The following RFX2 variants were observed in gnomAD, a reference collection of about 807,000 sequenced individuals.
RFX2 encodes DNA-binding protein RFX2.
RFX2 carries 20 observed loss-of-function variants against 87.8 expected under a neutral mutation model. The ratio of observed to expected loss-of-function variants is 0.23; its 90% CI spans 0.16 to 0.33. RFX2 has a LOEUF of 0.33. Ranked by LOEUF, RFX2 falls within the 10% of genes least tolerant of loss-of-function variation. The pLI is 1.00. For synonymous variants in RFX2, 397 were observed against 431.3 expected, an observed-to-expected ratio of 0.92 and a Z score of 0.98; for missense variants, 767 against 1,012.3, an observed-to-expected ratio of 0.76 and a Z score of 3.29.
At chr19:6,095,688 T>C (rs1229442160) in intron 1 of RFX2, among the ~76,000 whole-genome samples, 1 of 151,952 alleles carries the variant, frequency 6.6e-6, no homozygotes, top group Non-Finnish European at 1.5e-5. Flanking sequence ...GGAAATAGGA[T>C]GGACCACTTG....
chr19:6,101,068 G>A lies in RFX2; in HGVS notation c.-9+9325C>T, dbSNP rs1373205764. 6.6e-6 allele frequency among the ~76,000 whole-genome samples: 1 copy of A among 152,094 alleles called. No individual in the cohort carries two copies. The highest frequency in any genetic ancestry group is 2.4e-5 in the African/African-American group (1 of 41,396). On this transcript the variant is annotated intron_variant, in intron 1 of 17. Transcript: ENST00000303657. The surrounding 1 kb of genome is among the most constrained non-coding windows in gnomAD (Gnocchi z 4.9). ...TCTAACAATTTTAAATTTGTCTAGT[G>A]CCTTCTCCCCTCTCAACTGTCCACA...
chr19:6,104,238 A>G (rs746427332), intron 1 of RFX2, among the ~76,000 whole-genome samples: 1 of 152,082 alleles, frequency 6.6e-6, no homozygotes, highest in Non-Finnish European at 1.5e-5. Context: ...AGATGGCAAT[A>G]TGAACTTAAG....
chr19:6,003,797 A>G (rs2086531650), intron 13 of RFX2, among the ~76,000 whole-genome samples: 1 of 150,980 alleles, frequency 6.6e-6, no homozygotes, highest in East Asian at 1.9e-4. Flanking sequence ...AAAAAAAAAA[A>G]AAAAAAAAAA....
At position 6,021,285 on chromosome 19, in the gene RFX2, C is replaced by T. The variant is rs1441017099; in HGVS notation, c.597+4878G>A. On this transcript the variant is annotated intron_variant, in intron 6 of 17. Transcript: ENST00000303657. The surrounding 1 kb of genome is among the most constrained non-coding windows in gnomAD (Gnocchi z 5.7). ...AATATTTACGAGAGCTGGCTCTATG[C>T]CAGGCCTTGTTTAGGTGCTGGGGAT... Among the ~76,000 whole-genome samples, 1 of 152,224 alleles carries T rather than the reference C, an allele frequency of 6.6e-6. No individual in the cohort carries two copies. The highest frequency in any genetic ancestry group is 1.5e-5 in the Non-Finnish European group (1 of 68,044).
At chr19:6,048,522 C>G (rs2087226829) in intron 1 of RFX2, among the ~76,000 whole-genome samples, 1 of 152,166 alleles carries the variant, frequency 6.6e-6, no homozygotes, top group African/African-American at 2.4e-5. Context: ...ACCAGTCCCC[C>G]GTCCTGGCAC....
intron 9 of RFX2, among the ~76,000 whole-genome samples, chr19:6,008,841 C>T (rs1420626581): frequency 6.6e-6 from 1 of 151,898 alleles, no homozygotes; most frequent in Non-Finnish European, 1.5e-5. Flanking sequence ...CCACGCCTGG[C>T]TAAGTTTGTA....
At chr19:6,079,434 C>T (rs533766210) in intron 1 of RFX2, among the ~76,000 whole-genome samples, 15 of 152,326 alleles carry the variant, frequency 9.8e-5, no homozygotes, top group East Asian at 7.7e-4. Context: ...GTCTCAAAAG[C>T]TGCACAATGT....
Position 6,074,155 on chromosome 19 carries a change from G to A in RFX2, c.-8-26651C>T, listed in dbSNP as rs562916184. Among the ~76,000 whole-genome samples, 5 of 152,300 alleles carry A rather than the reference G, an allele frequency of 3.3e-5. No homozygotes were observed. The highest frequency in any genetic ancestry group is 2.1e-4 in the South Asian group (1 of 4,828). ...AATGAAGGGCAGCTCTGCCCAAAGC[G>A]GCGGACCAGGTGGGCAAACAGAGAG... is the stretch of plus-strand genomic sequence containing the variant. On this transcript the variant is annotated intron_variant, in intron 1 of 17. Transcript: ENST00000303657. This position sits in a 1 kb window ranked among gnomAD's most constrained non-coding sequence, Gnocchi z 5.2.
At chr19:6,084,607 C>T (rs895637095) in intron 1 of RFX2, among the ~76,000 whole-genome samples, 1 of 151,658 alleles carries the variant, frequency 6.6e-6, no homozygotes, top group Non-Finnish European at 1.5e-5. Context: ...GGGGTGGAAT[C>T]ACACTGGATT....
rs1350250162 is a variant in RFX2 at position 6,023,618 on chromosome 19, A to G, written c.597+2545T>C. Among the ~76,000 whole-genome samples, 1 of 152,212 alleles carries G rather than the reference A, an allele frequency of 6.6e-6. No individual in the cohort carries two copies. The highest frequency in any genetic ancestry group is 1.5e-5 in the Non-Finnish European group (1 of 68,036). ...GAAGGAAACAACTCAACAGCGAATC[A>G]TCAGTGAGTAAAAGAAACGAGAGAT... On this transcript the variant is annotated intron_variant, in intron 6 of 17. Coordinates refer to ENST00000303657, the MANE Select transcript of RFX2 (RefSeq NM_000635.4). This position sits in a 1 kb window ranked among gnomAD's most constrained non-coding sequence, Gnocchi z 4.9.
At position 6,021,927 on chromosome 19, in the gene RFX2, C is replaced by A. The variant is rs2086816955; in HGVS notation, c.597+4236G>T. 6.6e-6 allele frequency among the ~76,000 whole-genome samples: 1 copy of A among 152,028 alleles called. No individual in the cohort carries two copies. The highest frequency in any genetic ancestry group is 2.1e-4 in the South Asian group (1 of 4,822). On this transcript the variant is annotated intron_variant, in intron 6 of 17. Coordinates refer to ENST00000303657, the MANE Select transcript of RFX2 (RefSeq NM_000635.4). This position sits in a 1 kb window ranked among gnomAD's most constrained non-coding sequence, Gnocchi z 5.7. ...AGGTGGCCGAAAGAATCCACAGGGA[C>A]AGTGGCGGCTCGGGAAGTAGTCGAA...
intron 9 of RFX2, among the ~76,000 whole-genome samples, chr19:6,009,099 C>A (rs2086627289): frequency 1.3e-5 from 2 of 152,180 alleles, no homozygotes. Context: ...CCCTGGCACA[C>A]AGCAAGTACC....
intron 1 of RFX2, chr19:6,067,825 T>G (rs1292981430): frequency 6.6e-6 from 1 of 152,184 alleles, no homozygotes; most frequent in Admixed American, 6.5e-5. Flanking sequence ...AAGCACACAA[T>G]GCTGATAGAT....
At position 6,010,247 on chromosome 19, in the gene RFX2, G is replaced by C; in HGVS notation, c.904C>G (p.Arg302Gly). The change falls in exon 9 of 18, where the codon CGG becomes GGG. Residue 302 changes from arginine (R) to glycine (G), a missense_variant. By Grantham distance (125) the Arg-to-Gly change is moderately radical. Around this residue, in one of 2 missense-constraint regions of RFX2, gnomAD observed 621 missense variants for 873.0 expected, o/e 0.71. Transcript: ENST00000303657. The surrounding 1 kb of genome is among the most constrained non-coding windows in gnomAD (Gnocchi z 5.0). The part of the protein sequence containing the change: ...QQPMHQKPRY[R>G]PAQKTDSLGD... ...AGGCTGTCCGTCTTCTGGGCTGGCC[G>C]GTACCTAGGCCAGGAACACGCATAC... 11 of 1,544,816 alleles carry C rather than the reference G, an allele frequency of 7.1e-6. No individual in the cohort carries two copies. The highest frequency in any genetic ancestry group is 9.6e-6 in the Non-Finnish European group (11 of 1,144,992).
At chr19:6,080,202 ATG>A (rs368062995) in intron 1 of RFX2, among the ~76,000 whole-genome samples, 10,072 of 137,942 alleles carry the variant, frequency 0.073, 829 homozygotes, top group African/African-American at 0.22. Flanking sequence ...TGCCTGGTTA[ATG>A]TGTGTGTGTG....
intron 6 of RFX2, among the ~76,000 whole-genome samples, chr19:6,018,427 T>C (rs2086760068): frequency 6.6e-6 from 1 of 152,006 alleles, no homozygotes; most frequent in Admixed American, 6.5e-5. Context: ...AGGGCCACAG[T>C]GGAGTGAGGA....
In RFX2 at chr19:6,046,555, TC is replaced by T. The variant is rs1197024063; in HGVS notation, c.90+851del. Among the ~76,000 whole-genome samples, 483 of 104,206 alleles carry T rather than the reference TC, an allele frequency of 4.6e-3. 5 individuals are homozygous for T. Among genetic ancestry groups the T allele is most frequent in the African/African-American group, 0.017 (458 of 26,972 alleles). The allele number at this position is 104,206 out of a possible 152,430, so 68.4% of individuals were successfully genotyped here. A position where few individuals can be genotyped will look rare whatever the true frequency, so the allele number is the denominator to read the frequency against. ...GCCTGGGCGACAGAGCGAGACTCCGTCCCCCCCCAAAAAAAAAAAAAAATTC... is the reference window on the plus strand; with the variant it reads ...GCCTGGGCGACAGAGCGAGACTCCGTCCCCCCCAAAAAAAAAAAAAAATTC... On this transcript the variant is annotated intron_variant, in intron 2 of 17. Coordinates refer to ENST00000303657, the MANE Select transcript of RFX2 (RefSeq NM_000635.4).
chr19:6,029,163 C>A (rs1036076449), intron 5 of RFX2, among the ~76,000 whole-genome samples: 1 of 150,850 alleles, frequency 6.6e-6, no homozygotes, highest in African/African-American at 2.4e-5. Context: ...GCAGCAACAG[C>A]AAACCCTGGG....
In RFX2 at chr19:6,032,119, T is replaced by TTTA. The variant is rs145232671; in HGVS notation, c.523-5885_523-5883dup. 5.4e-3 allele frequency among the ~76,000 whole-genome samples: 817 copies of TTTA among 152,084 alleles called. 8 individuals are homozygous for TTTA. Among genetic ancestry groups the TTTA allele is most frequent in the African/African-American group, 0.019 (773 of 41,464 alleles). ...TATAGAGAATGCAGATTGTTTTTAT[T>TTTA]TTATTATTATTATTATTTTTTGAGA... On this transcript the variant is annotated intron_variant, in intron 5 of 17. Transcript: ENST00000303657.
Sources: gnomAD v4.1 joint callset for allele counts (sites outside exome capture counted in the v4.1 genomes callset) on GRCh38, gnomAD v4.1.1 for gene constraint, gnomAD v4.1.1 regional missense constraint, Gnocchi (gnomAD v3.1) non-coding constraint, MANE v1.5 for transcripts, NCBI Gene and HGNC (gene_info 2026-07-23, HGNC 2026-07-21) for gene names.